The following ASAP2 variants were observed in gnomAD, a reference collection of about 807,000 sequenced individuals.
The protein encoded by ASAP2 is ArfGAP with SH3 domain, ankyrin repeat and PH domain 2, also known as arf-GAP with SH3 domain, ANK repeat and PH domain-containing protein 2.
ASAP2 carries 45 observed loss-of-function variants against 131.4 expected under a neutral mutation model. The ratio of observed to expected loss-of-function variants is 0.34; its 90% CI spans 0.27 to 0.44. ASAP2 has a LOEUF of 0.44. Ranked by LOEUF, ASAP2 falls within the 20% of genes least tolerant of loss-of-function variation. ASAP2 has a pLI of 1.00. For synonymous variants in ASAP2, 510 were observed against 503.0 expected, an observed-to-expected ratio of 1.01 and a Z score of -0.19; for missense variants, 1,011 against 1,297.0, an observed-to-expected ratio of 0.78 and a Z score of 3.39.
chr2:9,380,820 A>G lies in ASAP2; in HGVS notation c.2016+12A>G, dbSNP rs59968284. The stretch of plus-strand genomic sequence containing the variant: ...ACTGTGAGGAGCTGGTGAGTCTCCC[A>G]CCACAAGGACGGGGTGGGGCACCTG... On this transcript the variant is annotated intron_variant, in intron 20 of 27. Coordinates refer to ENST00000281419, the MANE Select transcript of ASAP2 (RefSeq NM_003887.3). 1 of 1,613,380 alleles carries G rather than the reference A, an allele frequency of 6.2e-7. No individual in the cohort carries two copies. Among genetic ancestry groups the G allele is most frequent in the African/African-American group, 1.3e-5 (1 of 74,906 alleles).
chr2:9,372,270 G>T (rs905258038), intron 16 of ASAP2, among the ~76,000 whole-genome samples: 87 of 152,214 alleles, frequency 5.7e-4, no homozygotes, highest in Non-Finnish European at 2.9e-4. Context: ...GCCAGGAATG[G>T]AGCATCTCCC....
intron 24 of ASAP2, 38 bp downstream of exon 24, chr2:9,393,685 T>C: frequency 6.5e-7 from 1 of 1,537,426 alleles, no homozygotes; most frequent in Non-Finnish European, 8.7e-7. Flanking sequence ...TCCGTGCTCC[T>C]GCCCTCTGAC....
chr2:9,327,848 T>C lies in ASAP2; in HGVS notation c.623T>C (p.Ile208Thr). The C allele has an allele frequency of 6.3e-7, 1 of 1,592,166 alleles. No individual in the cohort carries two copies. Among genetic ancestry groups the C allele is most frequent in the Non-Finnish European group, 8.5e-7 (1 of 1,172,874 alleles). The change falls in exon 7 of 28, where the codon ATC (isoleucine) becomes ACC (threonine). Residue 208 changes from isoleucine (I) to threonine (T), a missense_variant. This residue lies in a region of ASAP2 where 359 missense variants were observed against 598.1 expected (regional missense o/e 0.60). Coordinates refer to ENST00000281419, the MANE Select transcript of ASAP2 (RefSeq NM_003887.3). ...MCEYLLKVNE[I>T]KIKKGVDLLQ... The stretch of plus-strand genomic sequence containing the variant: ...CAGTATCTGCTGAAGGTCAACGAAA[T>C]CAAGATTAAAAAGGGAGTAGATTTA...
rs115310356 is a variant in ASAP2, at chr2:9,313,166, G to A, written c.346-5358G>A. Among the ~76,000 whole-genome samples, 387 of 152,304 alleles carry A rather than the reference G, an allele frequency of 2.5e-3. 1 individual carries two copies. Among genetic ancestry groups the A allele is most frequent in the Non-Finnish European group, 4.8e-3 (329 of 68,026 alleles). ...GGTCACACTCACTGCTGAAATGAAC[G>A]AAGAACGAAAGCAAGCCGACCAAGT... is the stretch of plus-strand genomic sequence containing the variant. On this transcript the variant is annotated intron_variant, in intron 3 of 27. Transcript: ENST00000281419.
intron 3 of ASAP2, among the ~76,000 whole-genome samples, chr2:9,309,512 C>G (rs943545256): frequency 9.9e-5 from 15 of 152,146 alleles, no homozygotes; most frequent in African/African-American, 3.4e-4. Context: ...AAAAGGGGCA[C>G]AAGAAAACAT....
At chr2:9,296,326 C>G (rs185987817) in intron 2 of ASAP2, among the ~76,000 whole-genome samples, 13 of 152,304 alleles carry the variant, frequency 8.5e-5, no homozygotes, top group African/African-American at 3.1e-4. Context: ...ACCTGTGTCC[C>G]CTCCCCCATT....
At chr2:9,387,086 C>T (rs770279059) in intron 21 of ASAP2, among the ~76,000 whole-genome samples, 30 of 145,716 alleles carry the variant, frequency 2.1e-4, no homozygotes, top group South Asian at 6.4e-4. Flanking sequence ...GGTGGGGGGG[C>T]GCCTGTAGTC....
At chr2:9,337,194 G>C (rs1000951894) in intron 9 of ASAP2, among the ~76,000 whole-genome samples, 3 of 152,228 alleles carry the variant, frequency 2.0e-5, no homozygotes, top group Non-Finnish European at 2.9e-5. Context: ...TGTCTGCCCA[G>C]TTGGCTCCTT....
chr2:9,254,208 C>CA lies in ASAP2; in HGVS notation c.127-25080dup, dbSNP rs1167547534. On this transcript the variant is annotated intron_variant, in intron 1 of 27. Transcript: ENST00000281419. ...CCTGGGGAACAGAGGGAGACTGTCT[C>CA]AAAAAAAAAAAAAAAAAAAAAAAAA... Among the ~76,000 whole-genome samples, 62 of 15,626 alleles carry CA rather than the reference C, an allele frequency of 4.0e-3. 16 individuals are homozygous for CA. Among genetic ancestry groups the CA allele is most frequent in the African/African-American group, 0.013 (38 of 2,996 alleles). The allele number at this position is 15,626 out of a possible 152,430, so 10.3% of individuals were successfully genotyped here.
chr2:9,316,576 T>C (rs1669685455), intron 3 of ASAP2, among the ~76,000 whole-genome samples: 1 of 151,748 alleles, frequency 6.6e-6, no homozygotes. Context: ...TTCAGGGGAG[T>C]GGTCCAAGCC....
intron 19 of ASAP2, among the ~76,000 whole-genome samples, chr2:9,379,593 A>G (rs1674671012): frequency 6.6e-6 from 1 of 152,202 alleles, no homozygotes; most frequent in South Asian, 2.1e-4. Context: ...TTGTGCCTTG[A>G]GAGCATCCAG....
At chr2:9,350,741 T>C (rs1672276383) in intron 11 of ASAP2, 67 bp from the exon 12 acceptor site, 7 of 1,364,828 alleles carry the variant, frequency 5.1e-6, no homozygotes, top group South Asian at 2.5e-5. Context: ...TGAGGATTGA[T>C]ACTGTATGAT....
chr2:9,287,117 G>C (rs1667516310), intron 2 of ASAP2, among the ~76,000 whole-genome samples: 1 of 152,260 alleles, frequency 6.6e-6, no homozygotes, highest in African/African-American at 2.4e-5. Flanking sequence ...AACCAGGTGA[G>C]CGTCCCGTCT....
chr2:9,305,941 A>T (rs1374628401), intron 3 of ASAP2, among the ~76,000 whole-genome samples: 2 of 145,400 alleles, frequency 1.4e-5, no homozygotes, highest in African/African-American at 5.1e-5. Flanking sequence ...GGGCTGTAAT[A>T]GTGGGGTACA....
At position 9,254,252 on chromosome 2, in the gene ASAP2, T is replaced by C. The variant is rs867899309; in HGVS notation, c.127-25065T>C. On this transcript the variant is annotated intron_variant, in intron 1 of 27. Transcript: ENST00000281419. ...AAAAAAAAAAATATATATATATATA[T>C]ATACACGTGTGTGTGTATGCATATA... Among the ~76,000 whole-genome samples, 150 of 85,654 alleles carry C rather than the reference T, an allele frequency of 1.8e-3. 15 individuals carry two copies. The highest frequency in any genetic ancestry group is 7.4e-3 in the Middle Eastern group (1 of 136). 56.2% of individuals were successfully genotyped at this position (85,654 alleles called of 152,430 possible).
At chr2:9,262,507 T>C (rs1665646555) in intron 1 of ASAP2, among the ~76,000 whole-genome samples, 2 of 152,166 alleles carry the variant, frequency 1.3e-5, no homozygotes, top group South Asian at 4.1e-4. Context: ...GTCAGTGAGG[T>C]GGAGTCCGTT....
intron 1 of ASAP2, among the ~76,000 whole-genome samples, chr2:9,254,236 A>AATATATATATATATAT (rs34570938): frequency 6.4e-5 from 3 of 47,106 alleles, no homozygotes; most frequent in African/African-American, 4.1e-4. Context: ...AAAAAAAAAA[A>AATATATATATATATAT]ATATATATAT....
chr2:9,296,035 G>A (rs887924266), intron 2 of ASAP2, among the ~76,000 whole-genome samples: 2 of 152,170 alleles, frequency 1.3e-5, no homozygotes, highest in Non-Finnish European at 1.5e-5. Context: ...GAAGGAATTC[G>A]GGAGCTACAG....
At chr2:9,396,130 A>C (rs1676130220) in intron 24 of ASAP2, among the ~76,000 whole-genome samples, 2 of 152,074 alleles carry the variant, frequency 1.3e-5, no homozygotes, top group Admixed American at 6.6e-5. Flanking sequence ...GGAGCTCCTC[A>C]GACAGATTTT....
Sources: gnomAD v4.1 joint callset for allele counts (sites outside exome capture counted in the v4.1 genomes callset) on GRCh38, gnomAD v4.1.1 for gene constraint, gnomAD v4.1.1 regional missense constraint, MANE v1.5 for transcripts, NCBI Gene and HGNC (gene_info 2026-07-23, HGNC 2026-07-21) for gene names.